The following DGKG variants were observed in gnomAD, a reference collection of about 807,000 sequenced individuals.
DGKG encodes the protein diacylglycerol kinase gamma.
Under a neutral mutation model 105.3 loss-of-function variants are expected in DGKG, and 78 were observed. The observed-to-expected ratio is 0.74, with a 90% confidence interval of 0.62 to 0.89. The LOEUF (loss-of-function observed/expected upper bound fraction) is 0.89, where lower values mean the gene tolerates loss of function less well. Ranked by LOEUF, DGKG falls within the 40% of genes least tolerant of loss-of-function variation. DGKG has a pLI of 0.00. For synonymous variants in DGKG, 346 were observed against 367.1 expected (o/e 0.94, Z 0.66); for missense variants, 958 against 1,020.1 (o/e 0.94, Z 0.83).
At chr3:186,297,573 T>C (rs1434194560) in intron 4 of DGKG, 90 bp from the exon 5 acceptor site, 1 of 901,630 alleles carries the variant, frequency 1.1e-6, no homozygotes, top group Admixed American at 1.8e-5. Context: ...GGACCTGGTT[T>C]GCCTTGATTG....
intron 6 of DGKG, 53 bp downstream of exon 6, chr3:186,288,657 C>T (rs1055029176): frequency 2.5e-5 from 39 of 1,586,722 alleles, no homozygotes; most frequent in Non-Finnish European, 3.0e-5. Flanking sequence ...GGATAGAACC[C>T]CAGATCCTTC....
chr3:186,301,532 CA>C (rs1723920671), intron 3 of DGKG, among the ~76,000 whole-genome samples: 1 of 152,158 alleles, frequency 6.6e-6, no homozygotes, highest in African/African-American at 2.4e-5. Flanking sequence ...GAGGCTGAGG[CA>C]GGAGAATGGC....
intron 24 of DGKG, among the ~76,000 whole-genome samples, chr3:186,153,345 G>T (rs1391468167): frequency 6.6e-6 from 1 of 152,132 alleles, no homozygotes; most frequent in Admixed American, 6.5e-5. Flanking sequence ...TTCAAACCCT[G>T]ATAGAAAGAG....
chr3:186,212,507 T>A (rs961072634), intron 20 of DGKG, among the ~76,000 whole-genome samples: 2 of 152,224 alleles, frequency 1.3e-5, no homozygotes, highest in Non-Finnish European at 2.9e-5. Context: ...CAAATGTATT[T>A]GCTTAGGCCA....
At chr3:186,297,955 G>C (rs888384) in intron 4 of DGKG, 109 bp downstream of exon 4, 1,083,704 of 1,329,004 alleles carry the variant, frequency 0.82, 444,486 homozygotes, top group Non-Finnish European at 0.84. Flanking sequence ...TGTTCGCACC[G>C]TTGGGGCAGT....
intron 20 of DGKG, among the ~76,000 whole-genome samples, chr3:186,233,473 T>C (rs1720254682): frequency 6.9e-6 from 1 of 145,650 alleles, no homozygotes; most frequent in African/African-American, 2.4e-5. Flanking sequence ...CAGTGCCGTT[T>C]TTGTCGTTGT....
intron 23 of DGKG, among the ~76,000 whole-genome samples, chr3:186,162,572 G>A (rs1183121057): frequency 1.3e-5 from 2 of 152,040 alleles, no homozygotes; most frequent in Non-Finnish European, 2.9e-5. Context: ...ACAGAGTCTT[G>A]CTCTGCGCCC....
chr3:186,218,184 C>T (rs1719389217), intron 20 of DGKG, among the ~76,000 whole-genome samples: 1 of 152,054 alleles, frequency 6.6e-6, no homozygotes, highest in South Asian at 2.1e-4. Context: ...TCAGCAACAC[C>T]AGGCCTCAGA....
chr3:186,279,979 G>C lies in DGKG; in HGVS notation c.670-6C>G. On this transcript the variant is annotated splice_polypyrimidine_tract_variant and splice_region_variant and intron_variant, in intron 8 of 24. Coordinates refer to ENST00000265022, the MANE Select transcript of DGKG (RefSeq NM_001346.3). ...TGCAGCATCTCCTTCAATATCTGTG[G>C]AATCCAAAGAGCAATCATTGTCCAT... is the stretch of plus-strand genomic sequence containing the variant. The C allele has an allele frequency of 6.2e-7, 1 of 1,613,742 alleles. No homozygotes were observed. Among genetic ancestry groups the C allele is most frequent in the Non-Finnish European group, 8.5e-7 (1 of 1,179,786 alleles).
At position 186,149,400 on chromosome 3, in the gene DGKG, A is replaced by G; in HGVS notation, c.*690T>C. 1.0e-6 allele frequency: 1 copy of G among 985,442 alleles called. No homozygotes were observed. Among genetic ancestry groups the G allele is most frequent in the Non-Finnish European group, 1.2e-6 (1 of 829,952 alleles). The allele number at this position is 985,442 out of a possible 1,614,324, so 61.0% of individuals were successfully genotyped here. A position where few individuals can be genotyped will look rare whatever the true frequency, so the allele number is the denominator to read the frequency against. On this transcript the variant is annotated 3_prime_UTR_variant, in exon 25 of 25. Coordinates refer to ENST00000265022, the MANE Select transcript of DGKG (RefSeq NM_001346.3). Reference sequence around the variant, plus strand: ...TCTGGGGGCTCTTGGAGCCGCCTCTAAGCAAACATGTAGACACCAGGAGAA... The same window carrying G: ...TCTGGGGGCTCTTGGAGCCGCCTCTGAGCAAACATGTAGACACCAGGAGAA...
At chr3:186,228,315 G>A (rs1719953302) in intron 20 of DGKG, among the ~76,000 whole-genome samples, 1 of 152,050 alleles carries the variant, frequency 6.6e-6, no homozygotes, top group Admixed American at 6.6e-5. Flanking sequence ...TCCCCCTGGG[G>A]ATTGCCTCTT....
chr3:186,205,457 C>G (rs1466488870), intron 21 of DGKG, among the ~76,000 whole-genome samples: 1 of 152,072 alleles, frequency 6.6e-6, no homozygotes, highest in African/African-American at 2.4e-5. Flanking sequence ...CGCCTGTAAT[C>G]TCAGCACTTT....
chr3:186,233,436 C>T (rs1331311211), intron 20 of DGKG, among the ~76,000 whole-genome samples: 2 of 152,176 alleles, frequency 1.3e-5, no homozygotes, highest in Admixed American at 6.5e-5. Flanking sequence ...CTATTTCAGA[C>T]TTCCAACCTC....
At chr3:186,342,974 T>G (rs1726154004) in intron 1 of DGKG, among the ~76,000 whole-genome samples, 1 of 151,952 alleles carries the variant, frequency 6.6e-6, no homozygotes, top group African/African-American at 2.4e-5. Flanking sequence ...AAGGAACATA[T>G]AGGAAGATGG....
At position 186,148,507 on chromosome 3, in the gene DGKG, C is replaced by A. The variant is rs558974021; in HGVS notation, c.*1583G>T. On this transcript the variant is annotated 3_prime_UTR_variant, in exon 25 of 25. Coordinates refer to ENST00000265022, the MANE Select transcript of DGKG (RefSeq NM_001346.3). ...ATATCCCATCCACGCATGTGCTGTA[C>A]GTTTGTTCCTCCCTGGCAACCTGGA... 1.0e-6 allele frequency: 1 copy of A among 985,302 alleles called. No homozygotes were observed. Among genetic ancestry groups the A allele is most frequent in the Non-Finnish European group, 1.2e-6 (1 of 829,952 alleles). 61.0% of individuals were successfully genotyped at this position (985,302 alleles called of 1,614,324 possible).
intron 5 of DGKG, among the ~76,000 whole-genome samples, chr3:186,289,155 A>G (rs988868588): frequency 6.6e-6 from 1 of 152,212 alleles, no homozygotes; most frequent in African/African-American, 2.4e-5. Context: ...GATGATAGTG[A>G]TTATTGGTAA....
intron 2 of DGKG, among the ~76,000 whole-genome samples, chr3:186,310,290 C>CAAA (rs886723244): frequency 2.9e-5 from 2 of 69,842 alleles, no homozygotes; most frequent in Non-Finnish European, 5.7e-5. Flanking sequence ...AAAAAAAAAA[C>CAAA]CACACACACA....
intron 19 of DGKG, 151 bp from the exon 20 acceptor site, chr3:186,242,719 C>T: frequency 1.7e-6 from 1 of 591,644 alleles, no homozygotes. Flanking sequence ...TCCGCGGAGC[C>T]AACAGAGGCT....
chr3:186,248,007 T>C (rs543286626), intron 19 of DGKG, among the ~76,000 whole-genome samples: 2 of 152,128 alleles, frequency 1.3e-5, no homozygotes, highest in East Asian at 1.9e-4. Context: ...CTTCCTTCCT[T>C]CCTCCCTCCC....
Sources: allele counts gnomAD v4.1 joint callset (sites outside exome capture counted in the v4.1 genomes callset), GRCh38; gene constraint gnomAD v4.1.1; transcripts MANE v1.5; gene names NCBI Gene and HGNC (gene_info 2026-07-23, HGNC 2026-07-21).